SH3RF1: variants seen among roughly 807,000 people sequenced by gnomAD.
The protein encoded by SH3RF1 is E3 ubiquitin-protein ligase SH3RF1.
A neutral mutation model predicts 74.0 loss-of-function variants in SH3RF1; 32 were observed. The ratio of observed to expected loss-of-function variants is 0.43; its 90% CI spans 0.33 to 0.58. The LOEUF (loss-of-function observed/expected upper bound fraction) is 0.58, where lower values mean the gene tolerates loss of function less well. SH3RF1 is among the 20% of genes least tolerant of loss of function. SH3RF1 has a pLI of 0.05. For synonymous variants in SH3RF1, 396 were observed against 439.6 expected, an observed-to-expected ratio of 0.90 and a Z score of 1.24; for missense variants, 954 against 1,130.9, an observed-to-expected ratio of 0.84 and a Z score of 2.24.
chr4:169,202,642 T>C (rs1454226885), intron 2 of SH3RF1, among the ~76,000 whole-genome samples: 2 of 152,180 alleles, frequency 1.3e-5, no homozygotes, highest in Non-Finnish European at 1.5e-5. Flanking sequence ...AACCAAAGCA[T>C]CAGTTAATTC....
chr4:169,245,455 T>C (rs186376238), intron 2 of SH3RF1, among the ~76,000 whole-genome samples: 2 of 152,280 alleles, frequency 1.3e-5, no homozygotes, highest in East Asian at 1.9e-4. Flanking sequence ...ATCTATATAG[T>C]CCACTAAAAT....
intron 6 of SH3RF1, among the ~76,000 whole-genome samples, chr4:169,129,841 T>A (rs1733583164): frequency 6.6e-6 from 1 of 152,252 alleles, no homozygotes; most frequent in Non-Finnish European, 1.5e-5. Context: ...AGGCCACTGA[T>A]CCTCACTGTT....
chr4:169,221,673 CAACATATTTTATG>C, intron 2 of SH3RF1, among the ~76,000 whole-genome samples: 1 of 152,134 alleles, frequency 6.6e-6, no homozygotes, highest in Non-Finnish European at 1.5e-5. Context: ...AAAATAAAGG[CAACATATTTTATG>C]TCTGATAATA....
rs144091276 is a variant in SH3RF1, at chr4:169,238,430, T to C, written c.393+30390A>G. 5.5e-3 allele frequency among the ~76,000 whole-genome samples: 836 copies of C among 152,322 alleles called. 4 individuals carry two copies. Among genetic ancestry groups the C allele is most frequent in the Non-Finnish European group, 7.3e-3 (496 of 68,026 alleles). On this transcript the variant is annotated intron_variant, in intron 2 of 11. Transcript: ENST00000284637. ...CACAGACACTCTGCTGCCCTCTTAA[T>C]TTACCATTACCATGAATCTACAGGA...
At chr4:169,192,310 G>A (rs1041826176) in intron 2 of SH3RF1, among the ~76,000 whole-genome samples, 9 of 150,438 alleles carry the variant, frequency 6.0e-5, no homozygotes, top group Admixed American at 4.0e-4. Flanking sequence ...CATCACTAAT[G>A]ATCAGGGAAA....
At chr4:169,191,073 C>G (rs1013908177) in intron 2 of SH3RF1, among the ~76,000 whole-genome samples, 3 of 152,066 alleles carry the variant, frequency 2.0e-5, no homozygotes, top group Non-Finnish European at 4.4e-5. Context: ...GGACATACCT[C>G]AATGTAATAA....
At chr4:169,212,005 T>C (rs1382619734) in intron 2 of SH3RF1, among the ~76,000 whole-genome samples, 1 of 151,834 alleles carries the variant, frequency 6.6e-6, no homozygotes, top group Non-Finnish European at 1.5e-5. Context: ...ATGTTGGAAG[T>C]AATAAAGGTT....
intron 2 of SH3RF1, among the ~76,000 whole-genome samples, chr4:169,199,327 C>T (rs146661296): frequency 2.6e-5 from 4 of 152,326 alleles, no homozygotes; most frequent in Non-Finnish European, 5.9e-5. Flanking sequence ...CTTAACACAT[C>T]ATTCTCATAA....
At chr4:169,246,376 T>C (rs552423707) in intron 2 of SH3RF1, among the ~76,000 whole-genome samples, 1 of 152,338 alleles carries the variant, frequency 6.6e-6, no homozygotes, top group African/African-American at 2.4e-5. Context: ...GTGTGCTATA[T>C]AGATATTATC....
At chr4:169,105,656 G>T (rs1397556364) in intron 11 of SH3RF1, among the ~76,000 whole-genome samples, 1 of 152,224 alleles carries the variant, frequency 6.6e-6, no homozygotes, top group Non-Finnish European at 1.5e-5. Context: ...CATTTTGGGA[G>T]GCTGGGGCAG....
intron 2 of SH3RF1, among the ~76,000 whole-genome samples, chr4:169,192,721 C>T (rs930237535): frequency 1.3e-5 from 2 of 151,316 alleles, no homozygotes; most frequent in African/African-American, 2.4e-5. Flanking sequence ...ATTGCAAAAA[C>T]GTGAAACCAA....
chr4:169,144,463 C>T (rs1488115046), intron 4 of SH3RF1, among the ~76,000 whole-genome samples: 3 of 152,174 alleles, frequency 2.0e-5, no homozygotes, highest in Admixed American at 6.5e-5. Flanking sequence ...GCCTTTTACT[C>T]ACCCAAATGT....
rs28802127 is a variant in SH3RF1, at chr4:169,145,807, A to G, written c.766-9187T>C. Among the ~76,000 whole-genome samples the G allele has an allele frequency of 1.6e-3, 202 of 124,242 alleles. 15 individuals carry two copies. The highest frequency in any genetic ancestry group is 3.8e-3 in the African/African-American group (120 of 31,442). The allele number at this position is 124,242 out of a possible 152,430, so 81.5% of individuals were successfully genotyped here. A position where few individuals can be genotyped will look rare whatever the true frequency, so the allele number is the denominator to read the frequency against. ...CTATATATTATTCTATATAAAATATATATTCTATATATTATTCTATATAAA... is the reference window on the plus strand; with the variant it reads ...CTATATATTATTCTATATAAAATATGTATTCTATATATTATTCTATATAAA... On this transcript the variant is annotated intron_variant, in intron 4 of 11. Transcript: ENST00000284637.
chr4:169,141,566 A>G (rs1733786623), intron 4 of SH3RF1, among the ~76,000 whole-genome samples: 1 of 149,948 alleles, frequency 6.7e-6, no homozygotes, highest in African/African-American at 2.5e-5. Context: ...TTTTTTTAGG[A>G]TTTGCTTATT....
chr4:169,266,605 T>TA (rs1392854909), intron 2 of SH3RF1, among the ~76,000 whole-genome samples: 2 of 97,208 alleles, frequency 2.1e-5, no homozygotes, highest in African/African-American at 8.1e-5. Flanking sequence ...AGCTTTTTTT[T>TA]AAAAAAGGGG....
At chr4:169,216,967 A>G (rs1370658730) in intron 2 of SH3RF1, among the ~76,000 whole-genome samples, 1 of 146,000 alleles carries the variant, frequency 6.8e-6, no homozygotes. Flanking sequence ...CCTGAGCAAC[A>G]TGGCGAAACC....
intron 2 of SH3RF1, among the ~76,000 whole-genome samples, chr4:169,179,612 TA>T (rs1412400685): frequency 6.6e-6 from 1 of 152,196 alleles, no homozygotes; most frequent in African/African-American, 2.4e-5. Context: ...CTCTTCAGGT[TA>T]TATACGGATA....
intron 6 of SH3RF1, among the ~76,000 whole-genome samples, chr4:169,129,095 T>C (rs1733570678): frequency 6.6e-6 from 1 of 152,208 alleles, no homozygotes; most frequent in Non-Finnish European, 1.5e-5. Flanking sequence ...ACCCCCATCA[T>C]CAGGACACAC....
At chr4:169,188,895 A>G (rs1237084755) in intron 2 of SH3RF1, among the ~76,000 whole-genome samples, 3 of 152,240 alleles carry the variant, frequency 2.0e-5, no homozygotes, top group Non-Finnish European at 2.9e-5. Context: ...CTAAGAAAAT[A>G]GTTTATCAAT....
Sources: gnomAD v4.1 joint callset for allele counts (sites outside exome capture counted in the v4.1 genomes callset) on GRCh38, gnomAD v4.1.1 for gene constraint, MANE v1.5 for transcripts, NCBI Gene and HGNC (gene_info 2026-07-23, HGNC 2026-07-21) for gene names.